The following PDSS2 variants were observed in gnomAD, a reference collection of about 807,000 sequenced individuals.
The protein encoded by PDSS2 is decaprenyl diphosphate synthase subunit 2, also known as all trans-polyprenyl-diphosphate synthase PDSS2.
In PDSS2, 31 loss-of-function variants were observed where a neutral mutation model predicts 44.5. The ratio of observed to expected loss-of-function variants is 0.70; its 90% CI spans 0.52 to 0.94. PDSS2 has a LOEUF of 0.94. PDSS2 is among the 40% of genes least tolerant of loss of function. The pLI is 0.00. For missense variants in PDSS2, 452 were observed against 482.2 expected, an observed-to-expected ratio of 0.94 and a Z score of 0.59; for synonymous variants, 157 against 180.3, an observed-to-expected ratio of 0.87 and a Z score of 1.03.
At chr6:107,311,727 A>G (rs1002226501) in intron 2 of PDSS2, among the ~76,000 whole-genome samples, 1 of 152,210 alleles carries the variant, frequency 6.6e-6, no homozygotes, top group African/African-American at 2.4e-5. Context: ...TAGATCTGCT[A>G]CTTTATGGCT....
chr6:107,155,384 T>C (rs11153052), intron 7 of PDSS2, among the ~76,000 whole-genome samples: 5,182 of 151,668 alleles, frequency 0.034, 237 homozygotes, highest in East Asian at 0.16. Context: ...TGACCTCAAG[T>C]GATCCACCTG....
chr6:107,322,433 C>T (rs1254374229), intron 2 of PDSS2, among the ~76,000 whole-genome samples: 1 of 152,140 alleles, frequency 6.6e-6, no homozygotes, highest in Non-Finnish European at 1.5e-5. Flanking sequence ...GCATGAGAAT[C>T]ACTTGAGCCT....
chr6:107,226,999 C>CTT (rs141422280), intron 4 of PDSS2, among the ~76,000 whole-genome samples: 3 of 145,720 alleles, frequency 2.1e-5, no homozygotes, highest in Non-Finnish European at 4.5e-5. Flanking sequence ...TTTTTAATTA[C>CTT]TTTTTTTTTT....
chr6:107,187,861 G>A (rs9386623), intron 7 of PDSS2, among the ~76,000 whole-genome samples: 2 of 152,008 alleles, frequency 1.3e-5, no homozygotes, highest in South Asian at 2.1e-4. Context: ...AGCACCTGCC[G>A]TTAGATCTTT....
chr6:107,222,348 T>C (rs923692900), intron 4 of PDSS2, among the ~76,000 whole-genome samples: 1 of 152,090 alleles, frequency 6.6e-6, no homozygotes, highest in African/African-American at 2.4e-5. Flanking sequence ...TTAATTATCA[T>C]TATTCCCATT....
intron 2 of PDSS2, among the ~76,000 whole-genome samples, chr6:107,326,094 TTTC>T (rs1777535162): frequency 6.8e-6 from 1 of 147,576 alleles, no homozygotes; most frequent in South Asian, 2.1e-4. Flanking sequence ...AACTATGTTT[TTTC>T]TTTTTTCTTT....
chr6:107,194,365 A>G (rs922265757), intron 6 of PDSS2, among the ~76,000 whole-genome samples: 1 of 151,972 alleles, frequency 6.6e-6, no homozygotes, highest in African/African-American at 2.4e-5. Flanking sequence ...TTTTTTGCCT[A>G]GACTAGTCTC....
chr6:107,260,393 C>G (rs1281989300), intron 3 of PDSS2, among the ~76,000 whole-genome samples: 1 of 152,088 alleles, frequency 6.6e-6, no homozygotes, highest in African/African-American at 2.4e-5. Flanking sequence ...GATGGAAATG[C>G]TAAAACCAAA....
At chr6:107,173,487 T>A (rs1771667874) in intron 7 of PDSS2, among the ~76,000 whole-genome samples, 1 of 147,408 alleles carries the variant, frequency 6.8e-6, no homozygotes, top group Admixed American at 7.0e-5. Context: ...GGCAGGAGAA[T>A]TGCTTCAACC....
chr6:107,302,402 T>A (rs1446123421), intron 2 of PDSS2, among the ~76,000 whole-genome samples: 2 of 151,762 alleles, frequency 1.3e-5, no homozygotes, highest in African/African-American at 2.4e-5. Flanking sequence ...GCCTCCTGAA[T>A]AGCTGGGACC....
intron 1 of PDSS2, among the ~76,000 whole-genome samples, chr6:107,387,831 C>T (rs1029341922): frequency 6.6e-6 from 1 of 152,184 alleles, no homozygotes; most frequent in African/African-American, 2.4e-5. Context: ...CCAAATTACA[C>T]TCTGAGTGCT....
At chr6:107,197,333 T>C (rs893007809) in intron 6 of PDSS2, among the ~76,000 whole-genome samples, 1 of 151,694 alleles carries the variant, frequency 6.6e-6, no homozygotes, top group East Asian at 1.9e-4. Context: ...CGTGTCAAAA[T>C]ATGGTACGTG....
chr6:107,360,597 T>C (rs767136153), intron 1 of PDSS2, among the ~76,000 whole-genome samples: 3 of 152,148 alleles, frequency 2.0e-5, no homozygotes, highest in Non-Finnish European at 2.9e-5. Context: ...TCTGGATAAC[T>C]GATGAATTTC....
intron 3 of PDSS2, among the ~76,000 whole-genome samples, chr6:107,261,911 T>TC (rs200278384): frequency 8.7e-5 from 9 of 103,172 alleles, no homozygotes; most frequent in African/African-American, 2.0e-4. Flanking sequence ...TCTTTTCTTT[T>TC]TTTTTTTTTT....
intron 2 of PDSS2, among the ~76,000 whole-genome samples, chr6:107,326,104 CT>C (rs1177945820): frequency 1.6e-3 from 220 of 136,178 alleles, no homozygotes; most frequent in Middle Eastern, 3.8e-3. Context: ...TTTCTTTTTT[CT>C]TTTTTTTTTT....
In PDSS2 at chr6:107,190,922, T is replaced by C. The variant is rs531007078; in HGVS notation, c.1041+2900A>G. 3.9e-5 allele frequency among the ~76,000 whole-genome samples: 6 copies of C among 152,102 alleles called. No individual in the cohort carries two copies. The South Asian group carries it at 6.2e-4, about 16-fold the overall frequency. ...GGGGTTTTTTTTTGAGACGGAGTCT[T>C]GCTCTGTCGCCCAGGCTGGAGTGCA... is the stretch of plus-strand genomic sequence containing the variant. On this transcript the variant is annotated intron_variant, in intron 7 of 7. Coordinates refer to ENST00000369037, the MANE Select transcript of PDSS2 (RefSeq NM_020381.4).
intron 2 of PDSS2, among the ~76,000 whole-genome samples, chr6:107,300,324 G>A (rs764642424): frequency 2.2e-4 from 34 of 152,050 alleles, no homozygotes; most frequent in African/African-American, 3.6e-4. Flanking sequence ...TCAACTGCAC[G>A]ACCCCTACTA....
At chr6:107,211,610 A>G (rs1006607608) in intron 5 of PDSS2, among the ~76,000 whole-genome samples, 1 of 151,846 alleles carries the variant, frequency 6.6e-6, no homozygotes, top group Non-Finnish European at 1.5e-5. Flanking sequence ...TGTGCCTGTA[A>G]TCCCAGCTAC....
chr6:107,263,765 A>C (rs938136747), intron 3 of PDSS2, among the ~76,000 whole-genome samples: 3 of 152,236 alleles, frequency 2.0e-5, no homozygotes, highest in Non-Finnish European at 4.4e-5. Context: ...GTCTCTGTTT[A>C]ATATGTGACT....
Sources: gnomAD v4.1 joint callset for allele counts (sites outside exome capture counted in the v4.1 genomes callset) on GRCh38, gnomAD v4.1.1 for gene constraint, MANE v1.5 for transcripts, NCBI Gene and HGNC (gene_info 2026-07-23, HGNC 2026-07-21) for gene names.